TATDN1: variants seen among roughly 807,000 people sequenced by gnomAD.
TATDN1 encodes TatD DNase domain containing 1.
Under a neutral mutation model 46.4 loss-of-function variants are expected in TATDN1, and 40 were observed. The ratio of observed to expected loss-of-function variants is 0.86; its 90% CI spans 0.67 to 1.12. The LOEUF (loss-of-function observed/expected upper bound fraction) is 1.12. Among genes scored for constraint, TATDN1 ranks in the 50% most tolerant of loss-of-function variants. The pLI is 0.00. For missense variants in TATDN1, 326 were observed against 348.4 expected (o/e 0.94, Z 0.51); for synonymous variants, 95 against 105.6 (o/e 0.90, Z 0.62).
intron 6 of TATDN1, among the ~76,000 whole-genome samples, chr8:124,513,250 A>C (rs1038096165): frequency 6.6e-6 from 1 of 152,022 alleles, no homozygotes; most frequent in African/African-American, 2.4e-5. Flanking sequence ...TTATTATTAA[A>C]ATTTTAAAAA....
At chr8:124,508,006 A>C (rs1045270385) in intron 8 of TATDN1, among the ~76,000 whole-genome samples, 2 of 152,146 alleles carry the variant, frequency 1.3e-5, no homozygotes, top group African/African-American at 4.8e-5. Flanking sequence ...ATTCTATCTA[A>C]TTCCTATGTT....
intron 3 of TATDN1, among the ~76,000 whole-genome samples, chr8:124,521,104 T>C (rs1049360772): frequency 6.6e-6 from 1 of 152,160 alleles, no homozygotes; most frequent in Non-Finnish European, 1.5e-5. Context: ...TAAGTACTAT[T>C]ATCATTCTCA....
intron 9 of TATDN1, among the ~76,000 whole-genome samples, chr8:124,496,210 A>G (rs1586562762): frequency 6.6e-6 from 1 of 151,560 alleles, no homozygotes; most frequent in African/African-American, 2.4e-5. Context: ...TTTATTTTAA[A>G]TTACTTTTTA....
intron 1 of TATDN1, among the ~76,000 whole-genome samples, chr8:124,536,540 T>G (rs1237382996): frequency 6.6e-6 from 1 of 152,106 alleles, no homozygotes; most frequent in African/African-American, 2.4e-5. Context: ...CAAGACCCTG[T>G]CTCAAAACAA....
chr8:124,495,671 G>C, intron 9 of TATDN1, 129 bp from the exon 10 acceptor site: 1 of 670,566 alleles, frequency 1.5e-6, no homozygotes, highest in Non-Finnish European at 2.5e-6. Context: ...AGTATACTTT[G>C]GAAAGTATTT....
chr8:124,497,432 C>T (rs568986551), intron 9 of TATDN1, among the ~76,000 whole-genome samples: 146 of 152,048 alleles, frequency 9.6e-4, no homozygotes, highest in Non-Finnish European at 1.8e-3. Context: ...ACTACAGGTG[C>T]CTGCCACCAC....
chr8:124,516,782 GTT>G (rs1207541417), intron 4 of TATDN1, among the ~76,000 whole-genome samples: 1 of 152,178 alleles, frequency 6.6e-6, no homozygotes, highest in Non-Finnish European at 1.5e-5. Context: ...AGGGGGATTT[GTT>G]TTTCTAGCAA....
intron 6 of TATDN1, among the ~76,000 whole-genome samples, chr8:124,510,030 C>CAAA (rs60271665): frequency 0.18 from 19,820 of 109,746 alleles, 1,822 homozygotes; most frequent in Admixed American, 0.28. Context: ...CATTCTGTCT[C>CAAA]AAAAAAAAAA....
At chr8:124,518,152 C>A (rs1268883466) in intron 4 of TATDN1, among the ~76,000 whole-genome samples, 1 of 135,976 alleles carries the variant, frequency 7.4e-6, no homozygotes, top group African/African-American at 2.7e-5. Context: ...GTGGCGCGCG[C>A]AGTGAGCCGA....
In TATDN1 at chr8:124,488,665, C is replaced by T; in HGVS notation, c.823G>A (p.Asp275Asn). Residue 275 changes from aspartate to asparagine, a missense_variant, in exon 12 of 12, where the codon GAT (aspartate) becomes AAT (asparagine). By Grantham distance (23) the Asp-to-Asn change is conservative. Transcript: ENST00000276692. ...QILEIMSAVR[D>N]EDPLELANTL... is the part of the protein sequence containing the mutation. ...TTGGCTAATTCCAGTGGATCCTCAT[C>T]TCTCACTGCTGACATTATCTCCAAT... 6.2e-7 allele frequency: 1 copy of T among 1,606,712 alleles called. No homozygotes were observed. Among genetic ancestry groups the T allele is most frequent in the Non-Finnish European group, 8.5e-7 (1 of 1,174,058 alleles).
At chr8:124,513,550 T>A (rs371813953) in intron 6 of TATDN1, among the ~76,000 whole-genome samples, 1 of 152,232 alleles carries the variant, frequency 6.6e-6, no homozygotes, top group South Asian at 2.1e-4. Flanking sequence ...GCTTGGCATG[T>A]GAGTTCAAGC....
At chr8:124,523,342 C>T (rs1027776036) in intron 1 of TATDN1, 1 of 238,002 alleles carries the variant, frequency 4.2e-6, no homozygotes, top group Non-Finnish European at 8.2e-6. Flanking sequence ...AGAAAGAAGT[C>T]ATCATTGAAC....
chr8:124,491,690 A>G (rs1817007579), intron 11 of TATDN1: 1 of 152,176 alleles, frequency 6.6e-6, no homozygotes, highest in Non-Finnish European at 1.5e-5. Context: ...AGCCTTAGTA[A>G]CTTGTACCTT....
intron 1 of TATDN1, among the ~76,000 whole-genome samples, chr8:124,528,292 G>A (rs1820673937): frequency 1.3e-5 from 2 of 152,218 alleles, no homozygotes; most frequent in South Asian, 4.1e-4. Flanking sequence ...CCCTGCCTCG[G>A]CCTCCCAAGT....
In TATDN1 at chr8:124,488,586, T is replaced by C; in HGVS notation, c.*8A>G. ...CATACATGATGGAAAGTGGAAGACA[T>C]ATACCAATTATATTCCAGGAAAAAA... On this transcript the variant is annotated 3_prime_UTR_variant, in exon 12 of 12. Coordinates refer to ENST00000276692, the MANE Select transcript of TATDN1 (RefSeq NM_032026.4). 2 of 1,356,214 alleles carry C rather than the reference T, an allele frequency of 1.5e-6. No individual in the cohort carries two copies. The highest frequency in any genetic ancestry group is 2.5e-5 in the South Asian group (2 of 79,902). The allele number at this position is 1,356,214 out of a possible 1,614,324, so 84.0% of individuals were successfully genotyped here.
At chr8:124,533,912 T>C (rs891576816) in intron 1 of TATDN1, among the ~76,000 whole-genome samples, 6 of 151,858 alleles carry the variant, frequency 4.0e-5, no homozygotes, top group African/African-American at 1.5e-4. Context: ...TTTGGGAGGC[T>C]GAGGCAGGAG....
At position 124,488,616 on chromosome 8, in the gene TATDN1, T is replaced by TTAA. The variant is rs1278574800; in HGVS notation, c.869_871dup (p.Ile290dup). On this transcript the variant is annotated inframe_insertion, in exon 12 of 12. Transcript: ENST00000276692. The stretch of plus-strand genomic sequence containing the variant: ...CAATTATATTCCAGGAAAAAATACT[T>TTAA]TAATAGTATTGTTATATAGTGTATT... 6.4e-7 allele frequency: 1 copy of TTAA among 1,560,000 alleles called. No homozygotes were observed. Among genetic ancestry groups the TTAA allele is most frequent in the South Asian group, 1.1e-5 (1 of 87,370 alleles).
intron 1 of TATDN1, chr8:124,538,797 G>A (rs1821732917): frequency 1.7e-6 from 1 of 603,484 alleles, no homozygotes; most frequent in Non-Finnish European, 3.0e-6. Flanking sequence ...AATCATAACT[G>A]TACGGCTTGT....
At chr8:124,510,099 T>A (rs1238726241) in intron 6 of TATDN1, among the ~76,000 whole-genome samples, 1 of 152,108 alleles carries the variant, frequency 6.6e-6, no homozygotes, top group African/African-American at 2.4e-5. Context: ...CGTCTATGTC[T>A]GTATTACCAA....
Sources: gnomAD v4.1 joint callset for allele counts (sites outside exome capture counted in the v4.1 genomes callset) on GRCh38, gnomAD v4.1.1 for gene constraint, MANE v1.5 for transcripts, NCBI Gene and HGNC (gene_info 2026-07-23, HGNC 2026-07-21) for gene names.